The following NXPE2 variants were observed in gnomAD, a reference collection of about 807,000 sequenced individuals.
NXPE2 encodes neurexophilin and PC-esterase domain family member 2, also known as NXPE family member 2.
A neutral mutation model predicts 34.4 loss-of-function variants in NXPE2; 34 were observed. The ratio of observed to expected loss-of-function variants is 0.99; its 90% confidence interval spans 0.75 to 1.31. The LOEUF is 1.31. Among genes scored for constraint, NXPE2 ranks in the 40% most tolerant of loss-of-function variants. The pLI is 0.00. For missense variants in NXPE2, 649 were observed against 672.5 expected (o/e 0.97, Z 0.39); for synonymous variants, 235 against 231.3 (o/e 1.02, Z -0.15).
At chr11:114,645,714 T>C in the NXPE2 span, among the ~76,000 whole-genome samples, 1 of 152,000 alleles carries the variant, frequency 6.6e-6, no homozygotes, top group East Asian at 1.9e-4. Context: ...AAGACATGAA[T>C]AAAGAATTCA....
chr11:114,554,251 T>C, the NXPE2 span: 4 of 970,802 alleles, frequency 4.1e-6, no homozygotes, highest in Non-Finnish European at 4.9e-6. Flanking sequence ...GCCTCTATTG[T>C]ATTTGACTGT....
At chr11:114,563,442 G>A in the NXPE2 span, among the ~76,000 whole-genome samples, 4 of 152,268 alleles carry the variant, frequency 2.6e-5, no homozygotes, top group Admixed American at 2.6e-4. Flanking sequence ...GATGCCACGT[G>A]TGGACGCTTA....
chr11:114,619,382 G>C, the NXPE2 span, among the ~76,000 whole-genome samples: 2 of 151,936 alleles, frequency 1.3e-5, no homozygotes, highest in African/African-American at 4.8e-5. Flanking sequence ...TGCCACCTGG[G>C]TAACCACTGT....
At chr11:114,604,205 GCCTTGTGGGTAACCACTGTTA>G in the NXPE2 span, among the ~76,000 whole-genome samples, 5 of 152,054 alleles carry the variant, frequency 3.3e-5, no homozygotes, top group African/African-American at 9.7e-5. Context: ...AATAAGTATT[GCCTTGTGGGTAACCACTGTTA>G]CCCGGTTTAT....
chr11:114,530,247 G>A, the NXPE2 span: 4 of 1,614,126 alleles, frequency 2.5e-6, no homozygotes, highest in South Asian at 4.4e-5. Context: ...GTAGGTCAGA[G>A]CCTCACAGGG....
At chr11:114,627,112 A>G in the NXPE2 span, among the ~76,000 whole-genome samples, 1 of 152,136 alleles carries the variant, frequency 6.6e-6, no homozygotes, top group Non-Finnish European at 1.5e-5. Flanking sequence ...ATTATCCAGG[A>G]GAACTTCCCC....
At chr11:114,537,444 G>A in the NXPE2 span, among the ~76,000 whole-genome samples, 1 of 152,154 alleles carries the variant, frequency 6.6e-6, no homozygotes, top group African/African-American at 2.4e-5. Flanking sequence ...AATGAGGCAG[G>A]AGAAGGGGAT....
the NXPE2 span, among the ~76,000 whole-genome samples, chr11:114,749,747 T>C: frequency 6.6e-6 from 1 of 152,194 alleles, no homozygotes; most frequent in Admixed American, 6.5e-5. Context: ...TCTTTGTGTC[T>C]AACACTCACA....
At chr11:114,525,806 G>T in the NXPE2 span, among the ~76,000 whole-genome samples, 1 of 152,164 alleles carries the variant, frequency 6.6e-6, no homozygotes, top group Non-Finnish European at 1.5e-5. Flanking sequence ...TACCCTTTCA[G>T]GTACATGTAT....
At chr11:114,579,497 C>G in the NXPE2 span, among the ~76,000 whole-genome samples, 1 of 152,166 alleles carries the variant, frequency 6.6e-6, no homozygotes, top group African/African-American at 2.4e-5. Context: ...TGTTAGACCC[C>G]AAGCCCATGC....
chr11:114,786,709 A>G, the NXPE2 span, among the ~76,000 whole-genome samples: 1 of 152,190 alleles, frequency 6.6e-6, no homozygotes, highest in African/African-American at 2.4e-5. Context: ...CATTGTTTCT[A>G]GTTTGCCTCA....
chr11:114,522,616 C>A, the NXPE2 span: 3 of 888,136 alleles, frequency 3.4e-6, no homozygotes, highest in South Asian at 5.5e-5. Context: ...CTCACTGGAG[C>A]CTTTCTACTC....
At chr11:114,662,244 G>A in the NXPE2 span, among the ~76,000 whole-genome samples, 38 of 150,768 alleles carry the variant, frequency 2.5e-4, no homozygotes, top group Middle Eastern at 3.2e-3. Flanking sequence ...GAGAGAGAGT[G>A]CACAGGAACT....
the NXPE2 span, among the ~76,000 whole-genome samples, chr11:114,792,132 T>C: frequency 4.6e-5 from 7 of 152,298 alleles, no homozygotes; most frequent in East Asian, 1.9e-4. Flanking sequence ...TGGGATATAA[T>C]GGCTTTGTAA....
intron 4 of NXPE2, 109 bp from the exon 5 acceptor site, chr11:114,705,672 A>C: frequency 1.7e-6 from 1 of 602,454 alleles, no homozygotes; most frequent in Non-Finnish European, 2.8e-6. Flanking sequence ...AATAGAGCTG[A>C]AGAGAAAGGG....
At chr11:114,578,333 A>C in the NXPE2 span, among the ~76,000 whole-genome samples, 2 of 152,152 alleles carry the variant, frequency 1.3e-5, no homozygotes, top group African/African-American at 4.8e-5. Flanking sequence ...AATGTACAAC[A>C]GTTGTTTTTC....
the NXPE2 span, among the ~76,000 whole-genome samples, chr11:114,774,024 T>G: frequency 3.3e-5 from 5 of 152,358 alleles, no homozygotes; most frequent in East Asian, 5.8e-4. Flanking sequence ...TCAGTTGGCC[T>G]ACCAAAGTGA....
the NXPE2 span, among the ~76,000 whole-genome samples, chr11:114,612,249 GA>G: frequency 6.7e-6 from 1 of 150,044 alleles, no homozygotes; most frequent in Non-Finnish European, 1.5e-5. Flanking sequence ...ACACGGTGGA[GA>G]ATAAGTGTTG....
the NXPE2 span, among the ~76,000 whole-genome samples, chr11:114,609,312 G>A: frequency 0.18 from 26,856 of 151,308 alleles, 2,791 homozygotes; most frequent in Non-Finnish European, 0.22. Context: ...GTATTGCCTC[G>A]TGGGTAACCA....
Sources: allele counts gnomAD v4.1 joint callset (sites outside exome capture counted in the v4.1 genomes callset), GRCh38; gene constraint gnomAD v4.1.1; transcripts MANE v1.5; gene names NCBI Gene and HGNC (gene_info 2026-07-23, HGNC 2026-07-21).